Variants in EIPR1 observed in about 807,000 individuals in gnomAD.
EIPR1 encodes EARP and GARP complex-interacting protein 1.
In EIPR1, 25 loss-of-function variants were observed where a neutral mutation model predicts 48.1. The observed-to-expected ratio is 0.52, with a 90% CI of 0.38 to 0.73. EIPR1 has a LOEUF of 0.73. EIPR1 is among the 30% of genes least tolerant of loss of function. EIPR1 has a pLI of 0.00. For synonymous variants in EIPR1, 204 were observed against 201.9 expected (o/e 1.01, Z -0.09); for missense variants, 415 against 506.2 (o/e 0.82, Z 1.73).
At chr2:3,219,707 C>T (rs907500240) in intron 4 of EIPR1, among the ~76,000 whole-genome samples, 3 of 151,350 alleles carry the variant, frequency 2.0e-5, no homozygotes, top group East Asian at 1.9e-4. Context: ...CCCTGGTATA[C>T]TCTAGAGCAT....
chr2:3,292,331 A>C (rs1229174052), intron 3 of EIPR1, among the ~76,000 whole-genome samples: 1 of 152,202 alleles, frequency 6.6e-6, no homozygotes, highest in African/African-American at 2.4e-5. Flanking sequence ...TGAGCCCTAC[A>C]GGCCCCAGAT....
rs1368732003 is a variant in EIPR1, at chr2:3,196,777, G to GC, written c.653+103dup. The GC allele has an allele frequency of 3.7e-5, 54 of 1,445,410 alleles. 1 individual carries two copies. Among genetic ancestry groups the GC allele is most frequent in the Middle Eastern group, 4.1e-4 (2 of 4,922 alleles). 89.5% of individuals were successfully genotyped at this position (1,445,410 alleles called of 1,614,324 possible). On this transcript the variant is annotated intron_variant, in intron 6 of 8. Transcript: ENST00000382125. Reference sequence around the variant, plus strand: ...CAAAAACGAGATAAAGACAAACCATGCGCCCCCAAAGGCATGTGGCTCACC... The same window carrying GC: ...CAAAAACGAGATAAAGACAAACCATGCCGCCCCCAAAGGCATGTGGCTCACC...
intron 3 of EIPR1, among the ~76,000 whole-genome samples, chr2:3,337,111 T>C (rs1370390272): frequency 2.3e-5 from 2 of 86,072 alleles, no homozygotes; most frequent in South Asian, 7.6e-4. Context: ...GGGAAAGAGA[T>C]GGGAAAAGGG....
At position 3,324,336 on chromosome 2, in the gene EIPR1, C is replaced by T. The variant is rs192546541; in HGVS notation, c.259+13681G>A. On this transcript the variant is annotated intron_variant, in intron 3 of 8. Transcript: ENST00000382125. ...CACAGAGCCCATGATGAGCAGCACA[C>T]GAGGCTGCACCATTCCCGGCACCCA... Among the ~76,000 whole-genome samples, 5 of 152,332 alleles carry T rather than the reference C, an allele frequency of 3.3e-5. No homozygotes were observed. The South Asian group carries it at 6.2e-4, about 19-fold the overall frequency.
At chr2:3,246,660 C>G (rs376622521) in intron 4 of EIPR1, among the ~76,000 whole-genome samples, 2 of 152,082 alleles carry the variant, frequency 1.3e-5, no homozygotes, top group African/African-American at 4.8e-5. Context: ...AAACACACAG[C>G]GTGTGGAGTG....
At chr2:3,231,636 A>G (rs1448928291) in intron 4 of EIPR1, among the ~76,000 whole-genome samples, 1 of 152,180 alleles carries the variant, frequency 6.6e-6, no homozygotes, top group Non-Finnish European at 1.5e-5. Flanking sequence ...GGTGTATCAC[A>G]TTTACTGACG....
intron 3 of EIPR1, among the ~76,000 whole-genome samples, chr2:3,296,241 A>C (rs55652616): frequency 3.7e-5 from 1 of 26,844 alleles, no homozygotes; most frequent in African/African-American, 1.6e-4. Context: ...GCCCATCCTC[A>C]CCACACACAG....
intron 3 of EIPR1, among the ~76,000 whole-genome samples, chr2:3,323,283 G>T (rs1226758249): frequency 6.6e-6 from 1 of 152,188 alleles, no homozygotes; most frequent in East Asian, 1.9e-4. Context: ...CCCCCAGCCA[G>T]GAACGAGGCT....
chr2:3,250,701 G>T (rs180995865), intron 4 of EIPR1, among the ~76,000 whole-genome samples: 1 of 152,180 alleles, frequency 6.6e-6, no homozygotes, highest in Admixed American at 6.5e-5. Flanking sequence ...CCACAGGGGC[G>T]GATCCCTCAT....
At chr2:3,348,126 T>A (rs574481131) in intron 2 of EIPR1, among the ~76,000 whole-genome samples, 1 of 152,044 alleles carries the variant, frequency 6.6e-6, no homozygotes, top group African/African-American at 2.4e-5. Flanking sequence ...AACAAAGCTA[T>A]CACGAATCAA....
intron 2 of EIPR1, among the ~76,000 whole-genome samples, chr2:3,340,847 A>T (rs1670217411): frequency 6.6e-6 from 1 of 152,138 alleles, no homozygotes; most frequent in African/African-American, 2.4e-5. Context: ...CTGTAATCCC[A>T]GCACTTTGGG....
At chr2:3,269,958 G>A (rs1402436869) in intron 3 of EIPR1, among the ~76,000 whole-genome samples, 3 of 152,218 alleles carry the variant, frequency 2.0e-5, no homozygotes, top group African/African-American at 7.2e-5. Flanking sequence ...ACACAGCACT[G>A]CCTCATGAGC....
At chr2:3,209,969 T>A (rs1558224845) in intron 5 of EIPR1, among the ~76,000 whole-genome samples, 1 of 152,036 alleles carries the variant, frequency 6.6e-6, no homozygotes, top group African/African-American at 2.4e-5. Context: ...CAGGACACAT[T>A]TGTCCAAACC....
intron 1 of EIPR1, among the ~76,000 whole-genome samples, chr2:3,367,179 T>C (rs1456548253): frequency 1.3e-5 from 2 of 151,516 alleles, no homozygotes; most frequent in African/African-American, 4.9e-5. Flanking sequence ...TCTACAGAAA[T>C]GCCTCTGCAA....
At chr2:3,278,869 C>A (rs1240290038) in intron 3 of EIPR1, among the ~76,000 whole-genome samples, 10 of 152,188 alleles carry the variant, frequency 6.6e-5, no homozygotes, top group African/African-American at 2.4e-4. Context: ...GGGCACTGCC[C>A]AACCTCCCGC....
At chr2:3,335,802 G>A (rs1004693647) in intron 3 of EIPR1, among the ~76,000 whole-genome samples, 1 of 152,098 alleles carries the variant, frequency 6.6e-6, no homozygotes, top group Non-Finnish European at 1.5e-5. Flanking sequence ...GAAGGCCCTG[G>A]CTTCCGTCAC....
At chr2:3,278,756 G>A (rs957336006) in intron 3 of EIPR1, among the ~76,000 whole-genome samples, 7 of 152,096 alleles carry the variant, frequency 4.6e-5, no homozygotes, top group East Asian at 1.9e-4. Context: ...AGGCAAGCCC[G>A]GAAGATCAAG....
intron 2 of EIPR1, among the ~76,000 whole-genome samples, chr2:3,343,152 A>C (rs1414572162): frequency 6.6e-6 from 1 of 152,212 alleles, no homozygotes; most frequent in Non-Finnish European, 1.5e-5. Context: ...TGGTCCTGGC[A>C]TGCGAGCTCT....
At chr2:3,370,192 G>A (rs912701719) in intron 1 of EIPR1, among the ~76,000 whole-genome samples, 2 of 152,118 alleles carry the variant, frequency 1.3e-5, no homozygotes, top group African/African-American at 4.8e-5. Context: ...TCTGTTAGAA[G>A]GAAAACTAAC....
Sources: gnomAD v4.1 joint callset for allele counts (sites outside exome capture counted in the v4.1 genomes callset) on GRCh38, gnomAD v4.1.1 for gene constraint, MANE v1.5 for transcripts, NCBI Gene and HGNC (gene_info 2026-07-23, HGNC 2026-07-21) for gene names.